Variants in RALA observed in about 807,000 individuals in gnomAD.
RALA encodes ras-related protein Ral-A.
In RALA, 5 loss-of-function variants were observed where a neutral mutation model predicts 24.0. The observed-to-expected ratio is 0.21, with a 90% CI of 0.11 to 0.44. RALA has a LOEUF of 0.44. Among genes scored for constraint, RALA ranks in the 20% least tolerant of loss-of-function variants. The probability of loss-of-function intolerance (pLI) is 0.99; values close to 1 mark genes in which losing one functional copy is unlikely to be tolerated. For missense variants in RALA, 95 were observed against 241.2 expected, an observed-to-expected ratio of 0.39 and a Z score of 4.01; for synonymous variants, 77 against 83.8, an observed-to-expected ratio of 0.92 and a Z score of 0.44.
chr7:39,679,182 G>A (rs779014426), intron 1 of RALA, among the ~76,000 whole-genome samples: 1 of 151,086 alleles, frequency 6.6e-6, no homozygotes, highest in Non-Finnish European at 1.5e-5. Flanking sequence ...CAGATTTACA[G>A]TTCCACCAGC....
At chr7:39,686,836 T>C (rs1792712487) in intron 2 of RALA, 55 bp downstream of exon 2, 10 of 1,342,526 alleles carry the variant, frequency 7.4e-6, no homozygotes, top group Non-Finnish European at 8.5e-6. Flanking sequence ...AGTATTTCCC[T>C]AGCTTAGTTT....
In RALA at chr7:39,655,234, G is replaced by C. The variant is rs867741398; in HGVS notation, c.-37-31397G>C. Reference sequence around the variant, plus strand: ...CAAATTGTAAGATATCCATACCATGGAATACTACTCAGCAATAAAAGGGAA... The same window carrying C: ...CAAATTGTAAGATATCCATACCATGCAATACTACTCAGCAATAAAAGGGAA... On this transcript the variant is annotated intron_variant, in intron 1 of 4. Coordinates refer to ENST00000005257, the MANE Select transcript of RALA (RefSeq NM_005402.4). 9.9e-5 allele frequency among the ~76,000 whole-genome samples: 15 copies of C among 152,258 alleles called. No individual in the cohort carries two copies. The South Asian group carries it at 1.9e-3, about 19-fold the overall frequency.
chr7:39,693,517 G>A (rs1016200916), intron 3 of RALA, among the ~76,000 whole-genome samples: 4 of 151,976 alleles, frequency 2.6e-5, no homozygotes, highest in African/African-American at 9.7e-5. Flanking sequence ...TGTATACCTC[G>A]GTAACAAACC....
chr7:39,634,538 T>G (rs767707325), intron 1 of RALA, among the ~76,000 whole-genome samples: 108 of 152,342 alleles, frequency 7.1e-4, no homozygotes, highest in Middle Eastern at 3.4e-3. Context: ...TCTTTCTGCC[T>G]AAAATATTTA....
intron 1 of RALA, among the ~76,000 whole-genome samples, chr7:39,682,919 C>CA (rs1792632545): frequency 6.6e-6 from 1 of 152,194 alleles, no homozygotes; most frequent in South Asian, 2.1e-4. Context: ...GGATTACAGG[C>CA]ATGAGCCACT....
chr7:39,676,690 A>C (rs1282941763), intron 1 of RALA, among the ~76,000 whole-genome samples: 1 of 152,204 alleles, frequency 6.6e-6, no homozygotes, highest in Non-Finnish European at 1.5e-5. Context: ...TACAAAGATC[A>C]TTGGGGTTTT....
At chr7:39,698,052 G>A (rs1011944067) in intron 4 of RALA, among the ~76,000 whole-genome samples, 8 of 151,906 alleles carry the variant, frequency 5.3e-5, no homozygotes, top group Admixed American at 3.3e-4. Context: ...CCAAGATCAA[G>A]GTCTTAGACA....
chr7:39,688,945 G>A (rs950011736), intron 2 of RALA, among the ~76,000 whole-genome samples: 1 of 152,180 alleles, frequency 6.6e-6, no homozygotes, highest in Non-Finnish European at 1.5e-5. Context: ...ATCCTCACAT[G>A]TTGGGACAGG....
In RALA at chr7:39,647,379, C is replaced by T. The variant is rs189779114; in HGVS notation, c.-38+23554C>T. ...CTAGTGGAAATCCACATAGCTTCTC[C>T]GCTCATGAGGCTTACTCTGTGATTG... On this transcript the variant is annotated intron_variant, in intron 1 of 4. Transcript: ENST00000005257. 1.5e-4 allele frequency among the ~76,000 whole-genome samples: 23 copies of T among 152,268 alleles called. No individual in the cohort carries two copies. The East Asian group carries it at 3.3e-3, about 22-fold the overall frequency.
chr7:39,652,958 G>GT (rs1171915687), intron 1 of RALA, among the ~76,000 whole-genome samples: 2 of 151,766 alleles, frequency 1.3e-5, no homozygotes, highest in Non-Finnish European at 2.9e-5. Context: ...TAGAGATGTG[G>GT]TTTTGCCATG....
At chr7:39,636,853 G>A (rs1791691947) in intron 1 of RALA, among the ~76,000 whole-genome samples, 1 of 152,052 alleles carries the variant, frequency 6.6e-6, no homozygotes, top group East Asian at 1.9e-4. Flanking sequence ...GAGACACGGG[G>A]GCAAGGAAGT....
At chr7:39,647,312 G>A (rs972872085) in intron 1 of RALA, among the ~76,000 whole-genome samples, 1 of 152,190 alleles carries the variant, frequency 6.6e-6, no homozygotes, top group African/African-American at 2.4e-5. Flanking sequence ...CAAAGTGCTA[G>A]GATTACAGGC....
At chr7:39,678,550 A>C (rs1792529049) in intron 1 of RALA, among the ~76,000 whole-genome samples, 1 of 152,182 alleles carries the variant, frequency 6.6e-6, no homozygotes, top group Non-Finnish European at 1.5e-5. Flanking sequence ...ATCACCCCAA[A>C]TAGGTTCTAT....
intron 1 of RALA, among the ~76,000 whole-genome samples, chr7:39,641,478 C>A (rs1320431022): frequency 6.6e-6 from 1 of 152,104 alleles, no homozygotes; most frequent in African/African-American, 2.4e-5. Flanking sequence ...TTCTCATGGA[C>A]GTTCTTTTAT....
intron 1 of RALA, among the ~76,000 whole-genome samples, chr7:39,685,430 A>C (rs553546755): frequency 6.6e-6 from 1 of 152,348 alleles, no homozygotes; most frequent in East Asian, 1.9e-4. Context: ...TTTGTGTCCG[A>C]AACAAGTCAA....
In RALA at chr7:39,638,559, C is replaced by G. The variant is rs189275453; in HGVS notation, c.-38+14734C>G. Among the ~76,000 whole-genome samples the G allele has an allele frequency of 1.3e-3, 195 of 152,186 alleles. No homozygotes were observed. The South Asian group carries it at 0.02, about 15-fold the overall frequency. On this transcript the variant is annotated intron_variant, in intron 1 of 4. Transcript: ENST00000005257. ...CTGGGCTCAAGCATTCCTCCCACCT[C>G]AGCCTCCCAAGTAGCTGGGACCAGA...
chr7:39,669,926 A>C (rs77779759), intron 1 of RALA, among the ~76,000 whole-genome samples: 2,363 of 152,026 alleles, frequency 0.016, 65 homozygotes, highest in African/African-American at 0.055. Flanking sequence ...TGGATCATTC[A>C]GGCATGGTTA....
intron 1 of RALA, among the ~76,000 whole-genome samples, chr7:39,680,984 C>G (rs1221857642): frequency 6.6e-6 from 1 of 152,072 alleles, no homozygotes; most frequent in Non-Finnish European, 1.5e-5. Flanking sequence ...GCATCTATAC[C>G]CCTATTCTTT....
At chr7:39,627,786 T>G (rs1335940132) in intron 1 of RALA, among the ~76,000 whole-genome samples, 1 of 152,224 alleles carries the variant, frequency 6.6e-6, no homozygotes, top group East Asian at 1.9e-4. Context: ...TAGCCTATGG[T>G]TGGAACCCAT....
Sources: allele counts gnomAD v4.1 joint callset (sites outside exome capture counted in the v4.1 genomes callset), GRCh38; gene constraint gnomAD v4.1.1; transcripts MANE v1.5; gene names NCBI Gene and HGNC (gene_info 2026-07-23, HGNC 2026-07-21).